Variants in GTPBP10 observed in about 807,000 individuals in gnomAD.
The protein encoded by GTPBP10 is GTP binding protein 10, also known as GTP-binding protein 10.
GTPBP10 carries 38 observed loss-of-function variants against 44.8 expected under a neutral mutation model. The observed-to-expected ratio is 0.85, with a 90% CI of 0.65 to 1.11. The LOEUF (loss-of-function observed/expected upper bound fraction) is 1.11. Ranked by LOEUF, GTPBP10 falls within the 50% of genes most tolerant of loss-of-function variation. The probability of loss-of-function intolerance (pLI) is 0.00; values close to 1 mark genes in which losing one functional copy is unlikely to be tolerated. For missense variants in GTPBP10, 462 were observed against 453.7 expected (o/e 1.02, Z -0.17); for synonymous variants, 152 against 150.6 (o/e 1.01, Z -0.07).
At chr7:90,375,585 A>G (rs1002216293) in intron 6 of GTPBP10, among the ~76,000 whole-genome samples, 1 of 152,196 alleles carries the variant, frequency 6.6e-6, no homozygotes, top group Non-Finnish European at 1.5e-5. Flanking sequence ...TAAATATAGG[A>G]TAATATGAAT....
intron 9 of GTPBP10, 63 bp from the exon 10 acceptor site, chr7:90,384,829 A>G: frequency 6.8e-6 from 10 of 1,473,550 alleles, no homozygotes; most frequent in Non-Finnish European, 8.2e-6. Flanking sequence ...CAAACCATTA[A>G]CATGGTTTTA....
intron 4 of GTPBP10, among the ~76,000 whole-genome samples, chr7:90,363,302 C>G (rs1190491797): frequency 6.6e-6 from 1 of 152,110 alleles, no homozygotes. Context: ...TTAGTGCTTC[C>G]TTCAGGAGCT....
At chr7:90,372,364 C>T (rs1796273525) in intron 5 of GTPBP10, 136 bp downstream of exon 5, 4 of 598,520 alleles carry the variant, frequency 6.7e-6, no homozygotes, top group African/African-American at 1.9e-5. Context: ...ACTACTGTTG[C>T]ACAGGCCAAA....
At chr7:90,360,436 G>T (rs1795994445) in intron 4 of GTPBP10, among the ~76,000 whole-genome samples, 1 of 152,182 alleles carries the variant, frequency 6.6e-6, no homozygotes, top group Non-Finnish European at 1.5e-5. Flanking sequence ...GTTTGTCAAA[G>T]ATCAGATGGT....
chr7:90,377,384 TGTAGTG>T, intron 6 of GTPBP10, 117 bp from the exon 7 acceptor site: 4 of 574,332 alleles, frequency 7.0e-6, no homozygotes, highest in Non-Finnish European at 1.2e-5. Context: ...TTTTCAAAGA[TGTAGTG>T]GTAATCATAA....
Position 90,386,761 on chromosome 7 carries a change from G to A in GTPBP10, c.*1607G>A, listed in dbSNP as rs1312092240. The A allele has an allele frequency of 6.6e-6, 1 of 152,136 alleles. No homozygotes were observed. Among genetic ancestry groups the A allele is most frequent in the Non-Finnish European group, 1.5e-5 (1 of 68,024 alleles). The allele number at this position is 152,136 out of a possible 1,614,324, so 9.4% of individuals were successfully genotyped here. On this transcript the variant is annotated 3_prime_UTR_variant, in exon 10 of 10. Transcript: ENST00000222511. The stretch of plus-strand genomic sequence containing the variant: ...TTGCAATTTCTAAGTTTCTACCTGA[G>A]TGTTTCACAAATACAAACTGGACAT...
chr7:90,376,213 C>T (rs1047596924), intron 6 of GTPBP10, among the ~76,000 whole-genome samples: 6 of 151,588 alleles, frequency 4.0e-5, no homozygotes, highest in Admixed American at 2.6e-4. Context: ...CCAGGCTGGG[C>T]GACAGAGCGA....
At chr7:90,349,850 C>T (rs1795753060) in intron 1 of GTPBP10, among the ~76,000 whole-genome samples, 1 of 151,994 alleles carries the variant, frequency 6.6e-6, no homozygotes, top group South Asian at 2.1e-4. Flanking sequence ...CATCTGCTGC[C>T]TCTTAGTTGG....
Position 90,389,577 on chromosome 7 carries a change from G to A in GTPBP10, c.*4423G>A, listed in dbSNP as rs1022002091. On this transcript the variant is annotated 3_prime_UTR_variant, in exon 10 of 10. Transcript: ENST00000222511. ...AATTTTTGTATTTTTAGTAGAGACGGGGTTTCACCATGTTGGCCAGGATGG... is the reference window on the plus strand; with the variant it reads ...AATTTTTGTATTTTTAGTAGAGACGAGGTTTCACCATGTTGGCCAGGATGG... 1.3e-5 allele frequency: 2 copies of A among 151,616 alleles called. No homozygotes were observed. The highest frequency in any genetic ancestry group is 2.9e-5 in the Non-Finnish European group (2 of 67,962). 9.4% of individuals were successfully genotyped at this position (151,616 alleles called of 1,614,324 possible).
chr7:90,362,894 TC>T lies in GTPBP10; in HGVS notation c.464+7665del, dbSNP rs1178491358. Among the ~76,000 whole-genome samples the T allele has an allele frequency of 1.1e-4, 16 of 152,320 alleles. No homozygotes were observed. The Middle Eastern group carries it at 0.01, about 97-fold the overall frequency. The stretch of plus-strand genomic sequence containing the variant: ...TCCCTTTACCATTATGTAATGGCCT[TC>T]TTTGTCTCTTTTGATCTTTGTTGGT... On this transcript the variant is annotated intron_variant, in intron 4 of 9. Transcript: ENST00000222511.
At chr7:90,373,981 C>T (rs1189669510) in intron 5 of GTPBP10, among the ~76,000 whole-genome samples, 1 of 152,166 alleles carries the variant, frequency 6.6e-6, no homozygotes, top group Non-Finnish European at 1.5e-5. Context: ...GCTAGGACTA[C>T]AGGTGCACTG....
In GTPBP10 at chr7:90,359,557, T is replaced by C. The variant is rs377318639; in HGVS notation, c.464+4327T>C. Among the ~76,000 whole-genome samples, 8 of 152,308 alleles carry C rather than the reference T, an allele frequency of 5.3e-5. No homozygotes were observed. In the East Asian group the frequency reaches 1.3e-3, roughly 26 times the overall value. On this transcript the variant is annotated intron_variant, in intron 4 of 9. Transcript: ENST00000222511. The stretch of plus-strand genomic sequence containing the variant: ...AGTCTATCATTGATGGACATTTGGG[T>C]TGGTTCCAAGTCTTTGCTATTGTGA...
At chr7:90,361,306 T>C (rs1359148960) in intron 4 of GTPBP10, among the ~76,000 whole-genome samples, 3 of 152,194 alleles carry the variant, frequency 2.0e-5, no homozygotes, top group Non-Finnish European at 2.9e-5. Flanking sequence ...TGAGATACGT[T>C]CCATCAATGC....
At position 90,388,234 on chromosome 7, in the gene GTPBP10, GAAGT is replaced by G. The variant is rs1428506475; in HGVS notation, c.*3085_*3088del. 2.0e-5 allele frequency: 3 copies of G among 151,986 alleles called. No homozygotes were observed. The highest frequency in any genetic ancestry group is 4.8e-5 in the African/African-American group (2 of 41,400). 9.4% of individuals were successfully genotyped at this position (151,986 alleles called of 1,614,324 possible). ...TAATTTTGAAACAAAGACTTATTTT[GAAGT>G]AAGTCTTTTAACATTATCTCAGATG... is the stretch of plus-strand genomic sequence containing the variant. On this transcript the variant is annotated 3_prime_UTR_variant, in exon 10 of 10. Transcript: ENST00000222511.
At chr7:90,350,780 T>A (rs1584625853) in intron 1 of GTPBP10, among the ~76,000 whole-genome samples, 1 of 152,328 alleles carries the variant, frequency 6.6e-6, no homozygotes, top group East Asian at 1.9e-4. Flanking sequence ...ATTCTTATTC[T>A]GGATTCATTT....
Position 90,353,018 on chromosome 7 carries a change from T to G in GTPBP10, c.227+9T>G, listed in dbSNP as rs766533303. ...GTAGGAGCAAACAGCAAGTAAGTAA[T>G]TACTGAATGACTTAAATTTTAGAAA... On this transcript the variant is annotated intron_variant, in intron 2 of 9. Transcript: ENST00000222511. 3 of 1,523,476 alleles carry G rather than the reference T, an allele frequency of 2.0e-6. No homozygotes were observed. The highest frequency in any genetic ancestry group is 2.5e-5 in the South Asian group (2 of 78,514). 94.4% of individuals were successfully genotyped at this position (1,523,476 alleles called of 1,614,324 possible). A position where few individuals can be genotyped will look rare whatever the true frequency, so the allele number is the denominator to read the frequency against.
In GTPBP10 at chr7:90,387,903, T is replaced by C. The variant is rs1334554942; in HGVS notation, c.*2749T>C. Reference sequence around the variant, plus strand: ...TATTTTTTTTTAAGCTCCATTGTTTTCTAAATGTAAACAAGTATCAATGTA... The same window carrying C: ...TATTTTTTTTTAAGCTCCATTGTTTCCTAAATGTAAACAAGTATCAATGTA... On this transcript the variant is annotated 3_prime_UTR_variant, in exon 10 of 10. Coordinates refer to ENST00000222511, the MANE Select transcript of GTPBP10 (RefSeq NM_033107.4). 3.9e-5 allele frequency: 6 copies of C among 152,230 alleles called. No homozygotes were observed. The highest frequency in any genetic ancestry group is 3.9e-4 in the Admixed American group (6 of 15,278). The allele number at this position is 152,230 out of a possible 1,614,324, so 9.4% of individuals were successfully genotyped here.
chr7:90,382,850 C>G (rs764959609), intron 8 of GTPBP10, 106 bp from the exon 9 acceptor site: 19 of 624,520 alleles, frequency 3.0e-5, no homozygotes, highest in Non-Finnish European at 4.9e-5. Context: ...TATTGCATTT[C>G]GGTGATGTGA....
In GTPBP10 at chr7:90,352,927, G is replaced by T. The variant is rs1385934482; in HGVS notation, c.145G>T (p.Ala49Ser). 31 of 1,613,414 alleles carry T rather than the reference G, an allele frequency of 1.9e-5. No individual in the cohort carries two copies. Among genetic ancestry groups the T allele is most frequent in the African/African-American group, 4.0e-5 (3 of 74,868 alleles). Reference protein sequence around the residue: ...GGKGGDVWVVAQNRMTLKQLK... With the variant: ...GGKGGDVWVVSQNRMTLKQLK... ...AAAAGGTGGTGATGTCTGGGTTGTA[G>T]CCCAGAACAGAATGACTTTAAAACA... The change falls in exon 2 of 10, where the codon GCC (alanine) becomes TCC (serine). Residue 49 changes from alanine (A) to serine (S), a missense_variant. Transcript: ENST00000222511.
Sources: allele counts gnomAD v4.1 joint callset (sites outside exome capture counted in the v4.1 genomes callset), GRCh38; gene constraint gnomAD v4.1.1; transcripts MANE v1.5; gene names NCBI Gene and HGNC (gene_info 2026-07-23, HGNC 2026-07-21).